The following CHD5 variants were observed in gnomAD, a reference collection of about 807,000 sequenced individuals.
The protein encoded by CHD5 is ATP-dependent chromatin remodeler CHD5.
Under a neutral mutation model 230.3 loss-of-function variants are expected in CHD5, and 69 were observed. That is an observed-to-expected ratio of 0.30 (90% CI 0.25 to 0.37). The LOEUF is 0.37. Among genes scored for constraint, CHD5 ranks in the 10% least tolerant of loss-of-function variants. CHD5 has a pLI of 1.00. For missense variants in CHD5, 1,827 were observed against 2,622.8 expected, an observed-to-expected ratio of 0.70 and a Z score of 6.63; for synonymous variants, 1,064 against 1,065.9, an observed-to-expected ratio of 1.00 and a Z score of 0.03.
chr1:6,155,457 C>A lies in CHD5; in HGVS notation c.506+142G>T. 1.5e-6 allele frequency: 1 copy of A among 672,456 alleles called. No homozygotes were observed. Among genetic ancestry groups the A allele is most frequent in the Non-Finnish European group, 2.6e-6 (1 of 382,500 alleles). 41.7% of individuals were successfully genotyped at this position (672,456 alleles called of 1,614,324 possible). A position where few individuals can be genotyped will look rare whatever the true frequency, so the allele number is the denominator to read the frequency against. On this transcript the variant is annotated intron_variant, in intron 4 of 41. Transcript: ENST00000262450. The surrounding 1 kb of genome is among the most constrained non-coding windows in gnomAD (Gnocchi z 4.0). ...CATGAAGGGGTCCTGCCCCCTCCCT[C>A]CAGCTCCCCCAGGTTGCTCAGTCGG... is the stretch of plus-strand genomic sequence containing the variant.
intron 20 of CHD5, among the ~76,000 whole-genome samples, chr1:6,132,098 C>T (rs1294951934): frequency 6.6e-6 from 1 of 152,158 alleles, no homozygotes; most frequent in Admixed American, 6.5e-5. Context: ...TTCCAAACTA[C>T]CTGACTCTCT....
rs201739649 is a variant in CHD5 at position 6,110,432 on chromosome 1, G to A, written c.5344C>T (p.Leu1782=). 24 of 1,614,082 alleles carry A rather than the reference G, an allele frequency of 1.5e-5. No individual in the cohort carries two copies. In the East Asian group the frequency reaches 5.3e-4, roughly 36 times the overall value. The change falls in exon 37 of 42, where the codon CTG becomes TTG. Residue 1782 remains leucine (L), a synonymous_variant. Coordinates refer to ENST00000262450, the MANE Select transcript of CHD5 (RefSeq NM_015557.3). ...GCCAGGAACTTGTTCTTCATCTCCAGGTAGTTGCCCTTGTGGACCTCAGAC... is the reference window on the plus strand; with the variant it reads ...GCCAGGAACTTGTTCTTCATCTCCAAGTAGTTGCCCTTGTGGACCTCAGAC... ...FKSEVHKGNY[L]EMKNKFLARR... is the part of the protein sequence containing the mutation.
chr1:6,167,042 C>T lies in CHD5; in HGVS notation c.207+1108G>A, dbSNP rs370184812. On this transcript the variant is annotated intron_variant, in intron 2 of 41. Transcript: ENST00000262450. The surrounding 1 kb of genome is among the most constrained non-coding windows in gnomAD (Gnocchi z 4.5). ...CAGGGAGGCCTAGATCCGGGCCCAG[C>T]GCTGCCAAGGGCACCCCCTTAGCAT... Among the ~76,000 whole-genome samples, 1 of 152,184 alleles carries T rather than the reference C, an allele frequency of 6.6e-6. No homozygotes were observed. Among genetic ancestry groups the T allele is most frequent in the African/African-American group, 2.4e-5 (1 of 41,438 alleles).
intron 36 of CHD5, among the ~76,000 whole-genome samples, chr1:6,111,513 G>A (rs554181531): frequency 6.2e-4 from 92 of 148,812 alleles, no homozygotes; most frequent in South Asian, 2.6e-3. Flanking sequence ...CAGCCTGGGT[G>A]ACAGAGTGAA....
rs76460950 is a variant in CHD5, at chr1:6,142,860, G to A, written c.2044-255C>T. Reference sequence around the variant, plus strand: ...ACTTCTCCTATCAGGGAAATTTCCCGACTGTTGAATTCTCTGACTCTGAGC... The same window carrying A: ...ACTTCTCCTATCAGGGAAATTTCCCAACTGTTGAATTCTCTGACTCTGAGC... On this transcript the variant is annotated intron_variant, in intron 13 of 41. Transcript: ENST00000262450. This position sits in a 1 kb window ranked among gnomAD's most constrained non-coding sequence, Gnocchi z 5.2. Among the ~76,000 whole-genome samples, 1,997 of 152,192 alleles carry A rather than the reference G, an allele frequency of 0.013. 43 individuals carry two copies. The highest frequency in any genetic ancestry group is 0.046 in the African/African-American group (1,891 of 41,512).
chr1:6,178,322 C>T (rs1048047705), intron 1 of CHD5, among the ~76,000 whole-genome samples: 18 of 152,074 alleles, frequency 1.2e-4, no homozygotes, highest in African/African-American at 4.3e-4. Flanking sequence ...TAAGTCCCCA[C>T]ATAGTCAGAG....
intron 2 of CHD5, among the ~76,000 whole-genome samples, chr1:6,164,905 G>A (rs1486716993): frequency 6.6e-6 from 1 of 152,090 alleles, no homozygotes; most frequent in Non-Finnish European, 1.5e-5. Flanking sequence ...GGGTACAGGG[G>A]GAAGAGAGAA....
chr1:6,148,915 T>G lies in CHD5; in HGVS notation c.1322A>C (p.His441Pro), dbSNP rs1485231148. Residue 441 changes from histidine to proline, a missense_variant, in exon 9 of 42, where the codon CAT becomes CCT. This residue lies in a region of CHD5 where 657 missense variants were observed against 816.4 expected (regional missense o/e 0.80). Coordinates refer to ENST00000262450, the MANE Select transcript of CHD5 (RefSeq NM_015557.3). ...CTCGGGCAGCGGCGGGTTGAGGCAA[T>G]GCAGGTGGTAGGAGGAGGGGCAGGC... ...CDACPSSYHL[H>P]CLNPPLPEIP... is the part of the protein sequence containing the mutation. 6.3e-7 allele frequency: 1 copy of G among 1,592,164 alleles called. No homozygotes were observed. The highest frequency in any genetic ancestry group is 1.1e-5 in the South Asian group (1 of 88,024).
intron 31 of CHD5, among the ~76,000 whole-genome samples, chr1:6,123,575 T>A (rs1053718146): frequency 7.9e-5 from 12 of 152,080 alleles, no homozygotes; most frequent in African/African-American, 2.7e-4. Flanking sequence ...TACAGGCACG[T>A]GCCACCATGC....
chr1:6,103,358 G>C lies in CHD5; in HGVS notation c.*2116C>G, dbSNP rs1427455900. 2.0e-5 allele frequency: 3 copies of C among 152,824 alleles called. No individual in the cohort carries two copies. The East Asian group carries it at 5.8e-4, about 29-fold the overall frequency. 9.5% of individuals were successfully genotyped at this position (152,824 alleles called of 1,614,324 possible). ...CCTGGCGAGGCCTGGGAGGGAAGCA[G>C]AGAGGAAGGGACAGAGCAAGCCTGC... is the stretch of plus-strand genomic sequence containing the variant. On this transcript the variant is annotated 3_prime_UTR_variant, in exon 42 of 42. Coordinates refer to ENST00000262450, the MANE Select transcript of CHD5 (RefSeq NM_015557.3).
rs1271169006 is a variant in CHD5, at chr1:6,134,397, C to CCCGAG, written c.3013-143_3013-139dup. 1 of 1,122,626 alleles carries CCCGAG rather than the reference C, an allele frequency of 8.9e-7. No homozygotes were observed. The highest frequency in any genetic ancestry group is 1.5e-5 in the African/African-American group (1 of 64,652). 69.5% of individuals were successfully genotyped at this position (1,122,626 alleles called of 1,614,324 possible). The stretch of plus-strand genomic sequence containing the variant: ...CTGCCCACTGAACATGAGACCCACA[C>CCCGAG]CCGAGCCAGGCCAGGCCCCACAGTG... On this transcript the variant is annotated intron_variant, in intron 19 of 41. Transcript: ENST00000262450. This position sits in a 1 kb window ranked among gnomAD's most constrained non-coding sequence, Gnocchi z 6.3.
intron 9 of CHD5, among the ~76,000 whole-genome samples, chr1:6,148,269 G>A (rs907244704): frequency 1.3e-5 from 2 of 152,070 alleles, no homozygotes; most frequent in African/African-American, 2.4e-5. Context: ...GGGGGGTGAC[G>A]GATGGGGGGT....
Position 6,129,080 on chromosome 1 carries a change from C to T in CHD5, c.3388-11G>A, listed in dbSNP as rs1666611300. The T allele has an allele frequency of 1.3e-6, 2 of 1,588,118 alleles. No individual in the cohort carries two copies. The highest frequency in any genetic ancestry group is 8.6e-7 in the Non-Finnish European group (1 of 1,165,206). On this transcript the variant is annotated splice_polypyrimidine_tract_variant and intron_variant, in intron 22 of 41. Transcript: ENST00000262450. This position sits in a 1 kb window ranked among gnomAD's most constrained non-coding sequence, Gnocchi z 6.8. ...GGCGCGGCTGAAGGCCTGGGGAGAC[C>T]TGCACCTCAGCACCCGTGGCTCACC...
At position 6,170,076 on chromosome 1, in the gene CHD5, C is replaced by T. The variant is rs193066236; in HGVS notation, c.80-1799G>A. On this transcript the variant is annotated intron_variant, in intron 1 of 41. Transcript: ENST00000262450. ...CAAGTTTAGAGACAGAGAGCCCCTT[C>T]CCCCGAGGAAGTTTTTGATCATAAC... 2.2e-4 allele frequency among the ~76,000 whole-genome samples: 34 copies of T among 152,220 alleles called. No homozygotes were observed. In the East Asian group the frequency reaches 6.2e-3, roughly 28 times the overall value.
At chr1:6,107,064 T>G (rs1666188744) in intron 38 of CHD5, among the ~76,000 whole-genome samples, 1 of 73,748 alleles carries the variant, frequency 1.4e-5, no homozygotes, top group Non-Finnish European at 2.6e-5. Flanking sequence ...GATGGAGCGA[T>G]GGAAGGATGA....
At chr1:6,124,375 C>T in intron 30 of CHD5, 142 bp downstream of exon 30, 1 of 964,652 alleles carries the variant, frequency 1.0e-6, no homozygotes, top group Non-Finnish European at 1.6e-6. Context: ...CTTTCCAGGT[C>T]AGTCCCTCTG....
intron 35 of CHD5, 109 bp downstream of exon 35, chr1:6,112,031 G>A: frequency 7.0e-7 from 1 of 1,432,468 alleles, no homozygotes. Context: ...TTATACGATG[G>A]ACTTCCATCA....
intron 38 of CHD5, among the ~76,000 whole-genome samples, chr1:6,109,484 T>C (rs1666250382): frequency 1.3e-5 from 2 of 152,190 alleles, no homozygotes; most frequent in Non-Finnish European, 2.9e-5. Flanking sequence ...ACACAGTGCA[T>C]TTAAGTCACG....
rs900448809 is a variant in CHD5 at position 6,130,690 on chromosome 1, C to G, written c.3263-362G>C. ...TTCATGTCCCCGCAGCTTCCCACCC[C>G]TGGCTTCCCTTAGCCCACCGATGCT... On this transcript the variant is annotated intron_variant, in intron 21 of 41. Transcript: ENST00000262450. The surrounding 1 kb of genome is among the most constrained non-coding windows in gnomAD (Gnocchi z 4.9). Among the ~76,000 whole-genome samples the G allele has an allele frequency of 4.6e-5, 7 of 152,338 alleles. No individual in the cohort carries two copies. The highest frequency in any genetic ancestry group is 3.3e-4 in the Admixed American group (5 of 15,310).
Sources: allele counts gnomAD v4.1 joint callset (sites outside exome capture counted in the v4.1 genomes callset), GRCh38; gene constraint gnomAD v4.1.1; regional missense constraint gnomAD v4.1.1; non-coding constraint Gnocchi (gnomAD v3.1); transcripts MANE v1.5; gene names NCBI Gene and HGNC (gene_info 2026-07-23, HGNC 2026-07-21).